The following ENAH variants were observed in gnomAD, a reference collection of about 807,000 sequenced individuals.
The protein encoded by ENAH is ENAH actin regulator.
ENAH carries 23 observed loss-of-function variants against 78.7 expected under a neutral mutation model. The ratio of observed to expected loss-of-function variants is 0.29; its 90% CI spans 0.21 to 0.41. The LOEUF (loss-of-function observed/expected upper bound fraction) is 0.41. ENAH is among the 10% of genes least tolerant of loss of function. The pLI is 1.00. For synonymous variants in ENAH, 226 were observed against 241.0 expected (o/e 0.94, Z 0.58); for missense variants, 544 against 691.0 (o/e 0.79, Z 2.39).
chr1:225,582,520 C>T (rs2096824137), intron 1 of ENAH, among the ~76,000 whole-genome samples: 12 of 152,126 alleles, frequency 7.9e-5, no homozygotes, highest in Admixed American at 7.9e-4. Flanking sequence ...CCAACAGAAA[C>T]CCCCACAGAC....
intron 1 of ENAH, among the ~76,000 whole-genome samples, chr1:225,608,466 C>T (rs565455111): frequency 1.6e-4 from 24 of 150,920 alleles, no homozygotes; most frequent in Middle Eastern, 6.8e-3. Flanking sequence ...TTTCAGAACA[C>T]CAGGAATAAG....
intron 1 of ENAH, among the ~76,000 whole-genome samples, chr1:225,582,948 G>C (rs903314187): frequency 1.3e-5 from 2 of 152,120 alleles, no homozygotes; most frequent in African/African-American, 2.4e-5. Context: ...GAAATGGCTA[G>C]AGAAAAATGA....
intron 3 of ENAH, among the ~76,000 whole-genome samples, chr1:225,548,847 A>ATT (rs11392563): frequency 0.019 from 2,585 of 139,300 alleles, 84 homozygotes; most frequent in African/African-American, 0.055. Flanking sequence ...TAGTGAACAG[A>ATT]TTTTTTTTTT....
chr1:225,556,216 T>C (rs1366224120), intron 2 of ENAH, among the ~76,000 whole-genome samples: 2 of 152,250 alleles, frequency 1.3e-5, no homozygotes, highest in Non-Finnish European at 2.9e-5. Flanking sequence ...TTCATTTTTG[T>C]TGGGCATATA....
chr1:225,610,375 T>C (rs1306966688), intron 1 of ENAH, among the ~76,000 whole-genome samples: 2 of 152,184 alleles, frequency 1.3e-5, no homozygotes, highest in African/African-American at 4.8e-5. Context: ...TATTGCTTTC[T>C]GTTCCAGTTA....
Position 225,519,244 on chromosome 1 carries a change from T to C in ENAH, c.756A>G (p.Glu252=). The part of the protein sequence containing the change: ...RQERERQEQL[E]REQLEWERER... ...CTCTCTCCCATTCCAGCTGTTCCCT[T>C]TCTAACTGCTCTTGTCGCTCCCTTT... Residue 252 remains glutamate, a synonymous_variant, in exon 5 of 14, where the codon GAA becomes GAG. Coordinates refer to ENST00000366843, the MANE Select transcript of ENAH (RefSeq NM_018212.6). The C allele has an allele frequency of 3.7e-6, 6 of 1,614,216 alleles. No homozygotes were observed. The highest frequency in any genetic ancestry group is 1.6e-4 in the Middle Eastern group (1 of 6,062).
intron 3 of ENAH, among the ~76,000 whole-genome samples, chr1:225,531,230 C>T (rs986348963): frequency 1.3e-5 from 2 of 152,052 alleles, no homozygotes; most frequent in South Asian, 2.1e-4. Context: ...TAGTAATTAA[C>T]CTACTGAACT....
chr1:225,608,808 T>C (rs1320557535), intron 1 of ENAH, among the ~76,000 whole-genome samples: 1 of 95,814 alleles, frequency 1.0e-5, no homozygotes, highest in Non-Finnish European at 1.7e-5. Context: ...AGAGCGAGAC[T>C]CTGTCTCAAA....
Position 225,519,435 on chromosome 1 carries a change from C to T in ENAH, c.565G>A (p.Glu189Lys). The change falls in exon 5 of 14, where the codon GAA (glutamate) becomes AAA (lysine). Residue 189 changes from glutamate to lysine, a missense_variant. By Grantham distance (56) the Glu-to-Lys change is moderately conservative. Coordinates refer to ENST00000366843, the MANE Select transcript of ENAH (RefSeq NM_018212.6). ...ERLERERLEQ[E>K]QLERERQERE... ...TCTTGTCTCTCTCTCTCCAGCTGTTCTTGTTCCAGTCGCTCCCTCTCCAGC... is the reference window on the plus strand; with the variant it reads ...TCTTGTCTCTCTCTCTCCAGCTGTTTTTGTTCCAGTCGCTCCCTCTCCAGC... 2 of 1,613,568 alleles carry T rather than the reference C, an allele frequency of 1.2e-6. No homozygotes were observed. The highest frequency in any genetic ancestry group is 1.7e-6 in the Non-Finnish European group (2 of 1,179,786).
intron 1 of ENAH, among the ~76,000 whole-genome samples, chr1:225,607,541 T>C (rs1200305412): frequency 6.9e-6 from 1 of 144,450 alleles, no homozygotes; most frequent in Non-Finnish European, 1.5e-5. Context: ...AAACACCTGG[T>C]TGAAATTCTA....
chr1:225,597,278 T>C (rs2096906262), intron 1 of ENAH, among the ~76,000 whole-genome samples: 1 of 152,134 alleles, frequency 6.6e-6, no homozygotes, highest in African/African-American at 2.4e-5. Flanking sequence ...TGAAATAAAA[T>C]ATAACCTAAA....
intron 1 of ENAH, among the ~76,000 whole-genome samples, chr1:225,634,439 A>T (rs1394172370): frequency 4.6e-5 from 7 of 152,140 alleles, no homozygotes; most frequent in Admixed American, 6.6e-5. Context: ...TCTGGGAGAG[A>T]AAGGTTAAGG....
chr1:225,641,962 A>T (rs1193906224), intron 1 of ENAH, among the ~76,000 whole-genome samples: 1 of 152,132 alleles, frequency 6.6e-6, no homozygotes, highest in Non-Finnish European at 1.5e-5. Context: ...CAGAGGTTGC[A>T]GTGAGCCAAG....
At position 225,486,989 on chromosome 1, in the gene ENAH, G is replaced by A. The variant is rs949025062; in HGVS notation, c.*10786C>T. The stretch of plus-strand genomic sequence containing the variant: ...TGTGGCCACTTAATGCAAACACAGG[G>A]GTCTGATGCTGCAAACCTAAGTCAC... On this transcript the variant is annotated 3_prime_UTR_variant, in exon 14 of 14. Coordinates refer to ENST00000366843, the MANE Select transcript of ENAH (RefSeq NM_018212.6). 1 of 152,660 alleles carries A rather than the reference G, an allele frequency of 6.6e-6. No individual in the cohort carries two copies. The highest frequency in any genetic ancestry group is 2.4e-5 in the African/African-American group (1 of 41,456). 9.5% of individuals were successfully genotyped at this position (152,660 alleles called of 1,614,324 possible).
At chr1:225,640,995 C>A (rs1575834412) in intron 1 of ENAH, among the ~76,000 whole-genome samples, 1 of 149,348 alleles carries the variant, frequency 6.7e-6, no homozygotes, top group African/African-American at 2.5e-5. Flanking sequence ...TCCCGAGTAG[C>A]TGGGACTACA....
chr1:225,522,188 G>C (rs1010656361), intron 4 of ENAH, among the ~76,000 whole-genome samples: 2 of 152,196 alleles, frequency 1.3e-5, no homozygotes, highest in Admixed American at 6.5e-5. Context: ...CTAAATGACA[G>C]CACATGCATG....
intron 1 of ENAH, among the ~76,000 whole-genome samples, chr1:225,588,530 C>T (rs1435878711): frequency 1.3e-5 from 2 of 152,158 alleles, no homozygotes; most frequent in African/African-American, 4.8e-5. Context: ...AAAGTTGGGG[C>T]CGGGCATAGT....
intron 3 of ENAH, among the ~76,000 whole-genome samples, chr1:225,536,566 A>C (rs950275808): frequency 2.0e-5 from 3 of 152,066 alleles, no homozygotes; most frequent in African/African-American, 7.2e-5. Context: ...ACATAAAGGC[A>C]AACAAGACAG....
intron 1 of ENAH, among the ~76,000 whole-genome samples, chr1:225,598,383 G>GA (rs561942226): frequency 6.2e-5 from 9 of 145,770 alleles, no homozygotes; most frequent in South Asian, 4.3e-4. Flanking sequence ...CAGAGAGAGT[G>GA]AAAAAAAAAG....
Sources: gnomAD v4.1 joint callset for allele counts (sites outside exome capture counted in the v4.1 genomes callset) on GRCh38, gnomAD v4.1.1 for gene constraint, MANE v1.5 for transcripts, NCBI Gene and HGNC (gene_info 2026-07-23, HGNC 2026-07-21) for gene names.